The following LIPI variants were observed in gnomAD, a reference collection of about 807,000 sequenced individuals.
LIPI encodes the protein lipase I.
A neutral mutation model predicts 50.6 loss-of-function variants in LIPI; 59 were observed. The ratio of observed to expected loss-of-function variants is 1.16; its 90% CI spans 0.94 to 1.45. LIPI has a LOEUF of 1.45. Ranked by LOEUF, LIPI falls within the 40% of genes most tolerant of loss-of-function variation. The probability of loss-of-function intolerance (pLI) is 0.00; values close to 1 mark genes in which losing one functional copy is unlikely to be tolerated. For synonymous variants in LIPI, 203 were observed against 178.2 expected (o/e 1.14, Z -1.11); for missense variants, 586 against 536.3 (o/e 1.09, Z -0.92).
Position 14,189,020 on chromosome 21 carries a change from A to C in LIPI, c.432+14T>G. On this transcript the variant is annotated intron_variant, in intron 2 of 9. Coordinates refer to ENST00000681601, the MANE Select transcript of LIPI (RefSeq NM_001302998.2). ...TTGTATAGCATGTATAATACATAAA[A>C]TTCCCAGACTTACCAAAAGATTTTT... The C allele has an allele frequency of 6.3e-7, 1 of 1,597,886 alleles. No homozygotes were observed. Among genetic ancestry groups the C allele is most frequent in the Admixed American group, 1.7e-5 (1 of 60,022 alleles).
chr21:14,129,033 CAT>C (rs977065709), intron 9 of LIPI, among the ~76,000 whole-genome samples: 1 of 151,928 alleles, frequency 6.6e-6, no homozygotes, highest in Non-Finnish European at 1.5e-5. Flanking sequence ...GAGAAGGAGA[CAT>C]AGTTTCACAG....
intron 4 of LIPI, among the ~76,000 whole-genome samples, chr21:14,178,463 A>G (rs1465058136): frequency 6.6e-6 from 1 of 151,928 alleles, no homozygotes; most frequent in East Asian, 1.9e-4. Context: ...CTCTCTCTTT[A>G]CCTATTTCTA....
intron 5 of LIPI, 21 bp downstream of exon 5, chr21:14,166,341 T>C (rs2018682489): frequency 7.8e-7 from 1 of 1,289,362 alleles, no homozygotes; most frequent in Admixed American, 1.7e-5. Context: ...TGTAGTTCAT[T>C]CAAAAATACT....
intron 4 of LIPI, among the ~76,000 whole-genome samples, chr21:14,174,133 C>T (rs1272413792): frequency 6.6e-6 from 1 of 152,124 alleles, no homozygotes; most frequent in African/African-American, 2.4e-5. Flanking sequence ...CTGAAGGAGA[C>T]TCAAACCAAC....
At chr21:14,177,725 C>T (rs1416558278) in intron 4 of LIPI, among the ~76,000 whole-genome samples, 1 of 151,992 alleles carries the variant, frequency 6.6e-6, no homozygotes, top group Non-Finnish European at 1.5e-5. Flanking sequence ...CTATTTTTAG[C>T]TTATTTTAAT....
At chr21:14,205,923 A>T (rs2020213871) in intron 1 of LIPI, among the ~76,000 whole-genome samples, 1 of 152,152 alleles carries the variant, frequency 6.6e-6, no homozygotes, top group African/African-American at 2.4e-5. Context: ...GCAGGTACAT[A>T]ATATAGAATT....
chr21:14,160,040 G>A (rs1422175018), intron 7 of LIPI, among the ~76,000 whole-genome samples: 1 of 151,332 alleles, frequency 6.6e-6, no homozygotes, highest in Non-Finnish European at 1.5e-5. Flanking sequence ...GCATGGTAAA[G>A]ACATCAGCTC....
chr21:14,179,994 A>T (rs2019217670), intron 4 of LIPI, among the ~76,000 whole-genome samples: 1 of 152,186 alleles, frequency 6.6e-6, no homozygotes, highest in African/African-American at 2.4e-5. Flanking sequence ...ATATCGCTAA[A>T]TTCTTTTCCT....
chr21:14,109,067 T>C lies in LIPI; in HGVS notation c.1309A>G (p.Arg437Gly). 4 of 1,595,442 alleles carry C rather than the reference T, an allele frequency of 2.5e-6. No homozygotes were observed. Among genetic ancestry groups the C allele is most frequent in the Non-Finnish European group, 3.4e-6 (4 of 1,163,640 alleles). The change falls in exon 10 of 10, where the codon AGG (arginine) becomes GGG (glycine). Residue 437 changes from arginine to glycine, a missense_variant. Arg to Gly is a moderately radical substitution (Grantham distance 125, BLOSUM62 -2). Transcript: ENST00000681601. ...CTGTCTTTAAGTACAATATTATACC[T>C]GCAAAGTGGTGGTCTGAGAAAGAGA... is the stretch of plus-strand genomic sequence containing the variant. The part of the protein sequence containing the change: ...LTYPERPPLC[R>G]YNIVLKDREE...
rs946412395 is a variant in LIPI, at chr21:14,120,756, G to T, written c.1296-11676C>A. ...AAAAGGAGGCTGGTGGAAGTTTTCA[G>T]ATGGGGAGGCGTGCCATTCCAGAAG... On this transcript the variant is annotated intron_variant, in intron 9 of 9. Transcript: ENST00000681601. Among the ~76,000 whole-genome samples the T allele has an allele frequency of 2.6e-5, 4 of 152,344 alleles. No individual in the cohort carries two copies. The East Asian group carries it at 7.7e-4, about 29-fold the overall frequency.
intron 4 of LIPI, among the ~76,000 whole-genome samples, chr21:14,172,840 C>T (rs2018967359): frequency 6.6e-6 from 1 of 151,534 alleles, no homozygotes; most frequent in South Asian, 2.1e-4. Context: ...ACATTGTGCA[C>T]ATGTACCCTA....
intron 1 of LIPI, among the ~76,000 whole-genome samples, chr21:14,194,733 A>T (rs943429535): frequency 1.3e-5 from 2 of 152,210 alleles, no homozygotes; most frequent in Non-Finnish European, 2.9e-5. Flanking sequence ...CTGGCGATGG[A>T]TGATGATCAT....
At chr21:14,175,040 G>A (rs915970979) in intron 4 of LIPI, among the ~76,000 whole-genome samples, 5 of 152,110 alleles carry the variant, frequency 3.3e-5, no homozygotes, top group Admixed American at 3.3e-4. Flanking sequence ...TTGTCATATA[G>A]TATTTCATTG....
intron 1 of LIPI, among the ~76,000 whole-genome samples, chr21:14,202,217 T>C (rs2020079775): frequency 6.6e-6 from 1 of 152,196 alleles, no homozygotes; most frequent in Non-Finnish European, 1.5e-5. Context: ...TCCATGCTCA[T>C]GGGTAGGAAG....
chr21:14,185,263 G>A (rs746943726), intron 3 of LIPI, among the ~76,000 whole-genome samples: 3 of 152,140 alleles, frequency 2.0e-5, no homozygotes, highest in Admixed American at 6.5e-5. Flanking sequence ...TAGCATTCAA[G>A]TAAAAATTTT....
chr21:14,173,807 A>G (rs962210079), intron 4 of LIPI, among the ~76,000 whole-genome samples: 13 of 151,754 alleles, frequency 8.6e-5, no homozygotes, highest in African/African-American at 2.7e-4. Flanking sequence ...ATGGGTAAGG[A>G]AAGACAAAGG....
chr21:14,171,558 GC>G (rs1373707972), intron 4 of LIPI, among the ~76,000 whole-genome samples: 2 of 150,022 alleles, frequency 1.3e-5, no homozygotes, highest in African/African-American at 4.9e-5. Context: ...CAGAAACAAT[GC>G]CGCATATCTA....
chr21:14,148,760 A>C (rs2123079151), intron 8 of LIPI, among the ~76,000 whole-genome samples: 1 of 152,348 alleles, frequency 6.6e-6, no homozygotes, highest in Middle Eastern at 3.4e-3. Context: ...TCCCATTGTT[A>C]AATGATGAAT....
chr21:14,156,133 C>T (rs1342020308), intron 7 of LIPI, among the ~76,000 whole-genome samples: 2 of 151,954 alleles, frequency 1.3e-5, no homozygotes, highest in African/African-American at 2.4e-5. Flanking sequence ...TTGTAGGCCT[C>T]CCCAAATATA....
Sources: gnomAD v4.1 joint callset for allele counts (sites outside exome capture counted in the v4.1 genomes callset) on GRCh38, gnomAD v4.1.1 for gene constraint, MANE v1.5 for transcripts, NCBI Gene and HGNC (gene_info 2026-07-23, HGNC 2026-07-21) for gene names.